ZNF248: variants seen among roughly 807,000 people sequenced by gnomAD.
The protein encoded by ZNF248 is KRAB protein domain.
A neutral mutation model predicts 44.3 loss-of-function variants in ZNF248; 20 were observed. That is an observed-to-expected ratio of 0.45 (90% CI 0.32 to 0.66). The LOEUF (loss-of-function observed/expected upper bound fraction) is 0.66. Among genes scored for constraint, ZNF248 ranks in the 30% least tolerant of loss-of-function variants. The pLI is 0.04. For missense variants in ZNF248, 654 were observed against 677.0 expected (o/e 0.97, Z 0.38); for synonymous variants, 224 against 229.0 (o/e 0.98, Z 0.20).
downstream of ZNF248, among the ~76,000 whole-genome samples, chr10:37,776,077 T>C (rs1314334744): frequency 6.6e-6 from 1 of 152,014 alleles, no homozygotes; most frequent in Admixed American, 6.6e-5. Flanking sequence ...GCACCACATC[T>C]CTAGAGGGCC....
At chr10:37,810,229 A>G (rs2051274841) in intron 6 of ZNF248, among the ~76,000 whole-genome samples, 2 of 152,102 alleles carry the variant, frequency 1.3e-5, no homozygotes, top group African/African-American at 4.8e-5. Context: ...GTGTTTCCTT[A>G]CCTTCTGTCT....
intron 3 of ZNF248, among the ~76,000 whole-genome samples, chr10:37,844,423 T>TA (rs146568720): frequency 0.074 from 11,288 of 152,052 alleles, 524 homozygotes; most frequent in Non-Finnish European, 0.11. Context: ...AGAGCTCTAG[T>TA]AAAAAAAATG....
At position 37,838,059 on chromosome 10, in the gene ZNF248, T is replaced by C. The variant is rs2057587057; in HGVS notation, c.68A>G (p.Tyr23Cys). The change falls in exon 4 of 6, where the codon TAT (tyrosine) becomes TGT (cysteine). Residue 23 changes from tyrosine to cysteine, a missense_variant. By Grantham distance (194) the Tyr-to-Cys change is radical (BLOSUM62 -2). Coordinates refer to ENST00000395867, the MANE Select transcript of ZNF248 (RefSeq NM_021045.3). ...AATCTTCTGAGCAGGGTCCAGCAGA[T>C]ACCACTCTTCCTGAGTGAAGTCCAC... ...VCVDFTQEEW[Y>C]LLDPAQKILY... is the part of the protein sequence containing the mutation. 2 of 1,613,744 alleles carry C rather than the reference T, an allele frequency of 1.2e-6. No individual in the cohort carries two copies. The highest frequency in any genetic ancestry group is 1.1e-5 in the South Asian group (1 of 91,066).
rs1304724183 is a variant in ZNF248, at chr10:37,828,832, A to C, written c.*2783T>G. Reference sequence around the variant, plus strand: ...TACCTTACACCACATACAATAAGAAACACCACAGGGAGGTATGAATAATGT... The same window carrying C: ...TACCTTACACCACATACAATAAGAACCACCACAGGGAGGTATGAATAATGT... On this transcript the variant is annotated 3_prime_UTR_variant, in exon 6 of 6. Transcript: ENST00000395867. 14 of 985,296 alleles carry C rather than the reference A, an allele frequency of 1.4e-5. No homozygotes were observed. The highest frequency in any genetic ancestry group is 1.7e-5 in the Non-Finnish European group (14 of 829,924). 61.0% of individuals were successfully genotyped at this position (985,296 alleles called of 1,614,324 possible). A position where few individuals can be genotyped will look rare whatever the true frequency, so the allele number is the denominator to read the frequency against.
intron 6 of ZNF248, among the ~76,000 whole-genome samples, chr10:37,780,594 C>T (rs1480094930): frequency 1.3e-5 from 2 of 152,228 alleles, no homozygotes; most frequent in Non-Finnish European, 1.5e-5. Context: ...GACTCCTCGT[C>T]CCACGCAGGT....
chr10:37,770,310 C>T, the ZNF248 span, among the ~76,000 whole-genome samples: 10 of 152,162 alleles, frequency 6.6e-5, no homozygotes, highest in South Asian at 2.1e-4. Flanking sequence ...GAGCCCGCAT[C>T]GCCAAGTCAA....
At chr10:37,787,194 G>T (rs10827828) in intron 6 of ZNF248, among the ~76,000 whole-genome samples, 16,525 of 152,002 alleles carry the variant, frequency 0.11, 1,160 homozygotes, top group Admixed American at 0.19. Context: ...CAGGAGAATC[G>T]CCTGAACCTG....
At chr10:37,845,013 C>T (rs764297257) in intron 3 of ZNF248, among the ~76,000 whole-genome samples, 4 of 142,596 alleles carry the variant, frequency 2.8e-5, no homozygotes, top group Non-Finnish European at 6.0e-5. Flanking sequence ...CCTTCTCTCT[C>T]TTTCTTTCTT....
downstream of ZNF248, among the ~76,000 whole-genome samples, chr10:37,774,751 T>A (rs1362679142): frequency 6.6e-6 from 1 of 152,108 alleles, no homozygotes; most frequent in African/African-American, 2.4e-5. Flanking sequence ...GGCCAGGAAG[T>A]CTTTGTGTTC....
chr10:37,790,551 A>T (rs972930197), intron 6 of ZNF248, among the ~76,000 whole-genome samples: 1 of 151,708 alleles, frequency 6.6e-6, no homozygotes, highest in South Asian at 2.1e-4. Flanking sequence ...TTCTACTAAA[A>T]ATACCAAAAT....
At chr10:37,766,487 C>G in the ZNF248 span, among the ~76,000 whole-genome samples, 1 of 152,194 alleles carries the variant, frequency 6.6e-6, no homozygotes, top group Non-Finnish European at 1.5e-5. Context: ...TGTTCTGCAG[C>G]CACCACTGCT....
At chr10:37,772,704 G>C (rs776026900), downstream of ZNF248, among the ~76,000 whole-genome samples, 33 of 152,196 alleles carry the variant, frequency 2.2e-4, no homozygotes, top group East Asian at 1.9e-4. Flanking sequence ...AATCCCTTTA[G>C]TCACGTATTT....
At chr10:37,853,820 A>G (rs1564688148) in intron 3 of ZNF248, among the ~76,000 whole-genome samples, 1 of 152,228 alleles carries the variant, frequency 6.6e-6, no homozygotes. Flanking sequence ...ATCTGTCACC[A>G]AAAGATCTGC....
chr10:37,761,405 T>C, the ZNF248 span, among the ~76,000 whole-genome samples: 1 of 152,188 alleles, frequency 6.6e-6, no homozygotes, highest in African/African-American at 2.4e-5. Context: ...ACTGATCACA[T>C]GGTGTAGAGA....
chr10:37,809,480 T>A (rs1223324693), intron 6 of ZNF248, among the ~76,000 whole-genome samples: 1 of 151,914 alleles, frequency 6.6e-6, no homozygotes, highest in Non-Finnish European at 1.5e-5. Context: ...GTTTCACCAT[T>A]TTGGCCAGGC....
At position 37,794,714 on chromosome 10, in the gene ZNF248, A is replaced by C. The variant is rs544174556; in HGVS notation, c.331-18139T>G. The C allele has an allele frequency of 3.3e-3, 534 of 163,162 alleles. 5 individuals are homozygous for C. Among genetic ancestry groups the C allele is most frequent in the Middle Eastern group, 0.02 (12 of 600 alleles). 10.1% of individuals were successfully genotyped at this position (163,162 alleles called of 1,614,324 possible). On this transcript the variant is annotated intron_variant, in intron 6 of 6. Coordinates refer to the ZNF248 transcript ENST00000615949. ...GTTCAGTGAGTGTTGACTTGTGGTTAAAGATTGTCCCACATTCAGTACATT... is the reference window on the plus strand; with the variant it reads ...GTTCAGTGAGTGTTGACTTGTGGTTCAAGATTGTCCCACATTCAGTACATT...
intron 3 of ZNF248, among the ~76,000 whole-genome samples, chr10:37,838,682 T>A (rs2057727943): frequency 6.6e-6 from 1 of 151,794 alleles, no homozygotes; most frequent in African/African-American, 2.4e-5. Flanking sequence ...GTTTCTTTTT[T>A]AAATACAATA....
At chr10:37,808,930 A>T (rs12240311) in intron 6 of ZNF248, among the ~76,000 whole-genome samples, 1,912 of 151,934 alleles carry the variant, frequency 0.013, 25 homozygotes, top group Middle Eastern at 0.048. Flanking sequence ...ATAATTTTCT[A>T]TTTCTTCATG....
chr10:37,852,191 G>C (rs569639210), intron 3 of ZNF248, among the ~76,000 whole-genome samples: 3 of 151,736 alleles, frequency 2.0e-5, no homozygotes, highest in African/African-American at 7.3e-5. Context: ...AGATTGCAGT[G>C]AGCCGAGATC....
Sources: allele counts gnomAD v4.1 joint callset (sites outside exome capture counted in the v4.1 genomes callset), GRCh38; gene constraint gnomAD v4.1.1; transcripts MANE v1.5; gene names NCBI Gene and HGNC (gene_info 2026-07-23, HGNC 2026-07-21).